The following RUNX1 variants were observed in gnomAD, a reference collection of about 807,000 sequenced individuals.
The protein encoded by RUNX1 is runt-related transcription factor 1.
Under a neutral mutation model 42.8 loss-of-function variants are expected in RUNX1, and 19 were observed. That is an observed-to-expected ratio of 0.44 (90% CI 0.31 to 0.65). RUNX1 has a LOEUF of 0.65. Among genes scored for constraint, RUNX1 ranks in the 30% least tolerant of loss-of-function variants. The probability of loss-of-function intolerance (pLI) is 0.07; values close to 1 mark genes in which losing one functional copy is unlikely to be tolerated. For missense variants in RUNX1, 528 were observed against 672.0 expected (o/e 0.79, Z 2.37); for synonymous variants, 271 against 289.4 (o/e 0.94, Z 0.64).
chr21:34,806,308 ACT>A (rs2056678845), intron 7 of RUNX1, among the ~76,000 whole-genome samples: 1 of 152,236 alleles, frequency 6.6e-6, no homozygotes, highest in Non-Finnish European at 1.5e-5. Context: ...CCATGCTAAC[ACT>A]GATTGAAAGA....
chr21:34,888,682 G>T, intron 3 of RUNX1: 1 of 1,042,234 alleles, frequency 9.6e-7, no homozygotes. Flanking sequence ...CGCGCCCGCT[G>T]GCTCTATGAA....
intron 2 of RUNX1, among the ~76,000 whole-genome samples, chr21:34,963,742 C>T (rs548276409): frequency 6.6e-6 from 1 of 152,240 alleles, no homozygotes; most frequent in Admixed American, 6.5e-5. Context: ...ATCAATGGGG[C>T]ATTATTCAGC....
intron 2 of RUNX1, among the ~76,000 whole-genome samples, chr21:34,999,515 C>T (rs1204732198): frequency 6.6e-6 from 1 of 152,194 alleles, no homozygotes; most frequent in African/African-American, 2.4e-5. Flanking sequence ...TTCCAAACTC[C>T]TTCCAGAATG....
At chr21:34,952,204 C>T (rs977857318) in intron 2 of RUNX1, among the ~76,000 whole-genome samples, 42 of 152,172 alleles carry the variant, frequency 2.8e-4, no homozygotes, top group Admixed American at 5.9e-4. Context: ...GGGAGAGGAA[C>T]ATCATCCACC....
intron 5 of RUNX1, among the ~76,000 whole-genome samples, chr21:34,864,114 A>G (rs2057621185): frequency 6.6e-6 from 1 of 152,168 alleles, no homozygotes; most frequent in African/African-American, 2.4e-5. Context: ...CAGGAGCCAC[A>G]TGCTCTGCCC....
chr21:34,926,207 G>C (rs1182505158), intron 2 of RUNX1, among the ~76,000 whole-genome samples: 1 of 151,834 alleles, frequency 6.6e-6, no homozygotes, highest in Admixed American at 6.6e-5. Flanking sequence ...GTGCGTGGTG[G>C]CTCATACCTG....
intron 2 of RUNX1, among the ~76,000 whole-genome samples, chr21:35,040,092 G>A (rs1234037326): frequency 6.6e-6 from 1 of 152,116 alleles, no homozygotes; most frequent in Non-Finnish European, 1.5e-5. Context: ...ACACATATGT[G>A]GTTTCAGATT....
At chr21:34,948,100 T>TGGG (rs527758797) in intron 2 of RUNX1, among the ~76,000 whole-genome samples, 5 of 148,352 alleles carry the variant, frequency 3.4e-5, no homozygotes, top group East Asian at 2.0e-4. Flanking sequence ...TTTTTTTTTT[T>TGGG]GGGGGGGGGT....
Position 34,859,827 on chromosome 21 carries a change from T to A in RUNX1, c.509-249A>T, listed in dbSNP as rs370591410. ...ATAAACAATACAAGATCAAGAAAGA[T>A]TAGAATTTATTTTCTGTTAAGTCAG... is the stretch of plus-strand genomic sequence containing the variant. On this transcript the variant is annotated intron_variant, in intron 5 of 8. Coordinates refer to ENST00000675419, the MANE Select transcript of RUNX1 (RefSeq NM_001754.5). 5.9e-5 allele frequency among the ~76,000 whole-genome samples: 9 copies of A among 152,322 alleles called. No homozygotes were observed. The South Asian group carries it at 8.3e-4, about 14-fold the overall frequency.
At chr21:34,919,067 G>C (rs2058334495) in intron 2 of RUNX1, among the ~76,000 whole-genome samples, 1 of 152,122 alleles carries the variant, frequency 6.6e-6, no homozygotes. Context: ...TCGCATCAAT[G>C]CTATGAGGTA....
intron 2 of RUNX1, among the ~76,000 whole-genome samples, chr21:35,001,581 C>T (rs2059044669): frequency 6.6e-6 from 1 of 152,054 alleles, no homozygotes; most frequent in African/African-American, 2.4e-5. Context: ...CCCCTAAGAT[C>T]AGGAACAAGA....
chr21:34,927,063 G>A (rs912767920), intron 2 of RUNX1, among the ~76,000 whole-genome samples: 1 of 152,078 alleles, frequency 6.6e-6, no homozygotes, highest in African/African-American at 2.4e-5. Flanking sequence ...CCTGCCCAAA[G>A]AGTTGCTCCG....
chr21:34,866,625 C>G (rs1399157910), intron 5 of RUNX1, among the ~76,000 whole-genome samples: 1 of 152,222 alleles, frequency 6.6e-6, no homozygotes, highest in African/African-American at 2.4e-5. Flanking sequence ...CTTACCCAAA[C>G]ATTTGCCACT....
intron 2 of RUNX1, among the ~76,000 whole-genome samples, chr21:34,905,129 A>C (rs1296908269): frequency 6.6e-6 from 1 of 151,934 alleles, no homozygotes; most frequent in African/African-American, 2.4e-5. Context: ...CAGTGAACTC[A>C]CTCTAGGAGA....
At chr21:35,010,453 T>A (rs886838869) in intron 2 of RUNX1, among the ~76,000 whole-genome samples, 4 of 152,234 alleles carry the variant, frequency 2.6e-5, no homozygotes, top group South Asian at 2.1e-4. Context: ...CATTAAGACA[T>A]GTCCTTTGTT....
chr21:35,005,846 G>A (rs1170845505), intron 2 of RUNX1, among the ~76,000 whole-genome samples: 1 of 152,166 alleles, frequency 6.6e-6, no homozygotes, highest in East Asian at 1.9e-4. Context: ...ACTATTATGT[G>A]ATTTTCCTGC....
At chr21:34,992,741 C>T (rs1205658443) in intron 2 of RUNX1, among the ~76,000 whole-genome samples, 1 of 151,732 alleles carries the variant, frequency 6.6e-6, no homozygotes, top group Non-Finnish European at 1.5e-5. Flanking sequence ...TGGCCATGTT[C>T]ACTGCTGCAT....
chr21:35,018,091 TC>T (rs1429105277), intron 2 of RUNX1, among the ~76,000 whole-genome samples: 1 of 152,164 alleles, frequency 6.6e-6, no homozygotes, highest in African/African-American at 2.4e-5. Context: ...ACTGGTGCAA[TC>T]TTGGCTCACG....
chr21:34,935,894 A>T (rs1476651351), intron 2 of RUNX1, among the ~76,000 whole-genome samples: 1 of 152,228 alleles, frequency 6.6e-6, no homozygotes, highest in Non-Finnish European at 1.5e-5. Flanking sequence ...AAACTTAAAA[A>T]GCAAACATAA....
Sources: allele counts gnomAD v4.1 joint callset (sites outside exome capture counted in the v4.1 genomes callset), GRCh38; gene constraint gnomAD v4.1.1; transcripts MANE v1.5; gene names NCBI Gene and HGNC (gene_info 2026-07-23, HGNC 2026-07-21).